Variants in DGKB observed in about 807,000 individuals in gnomAD.
DGKB encodes 90 kDa diacylglycerol kinase.
A neutral mutation model predicts 114.3 loss-of-function variants in DGKB; 67 were observed. The observed-to-expected ratio is 0.59, with a 90% CI of 0.48 to 0.72. The LOEUF is 0.72. DGKB is among the 30% of genes least tolerant of loss of function. The pLI, the probability that DGKB is intolerant of heterozygous loss-of-function variation, is 0.00. For synonymous variants in DGKB, 398 were observed against 323.1 expected, an observed-to-expected ratio of 1.23 and a Z score of -2.49; for missense variants, 907 against 975.2, an observed-to-expected ratio of 0.93 and a Z score of 0.93.
At chr7:14,404,592 A>C (rs1823640769) in intron 21 of DGKB, among the ~76,000 whole-genome samples, 1 of 152,030 alleles carries the variant, frequency 6.6e-6, no homozygotes, top group South Asian at 2.1e-4. Flanking sequence ...ATCTAAGCCT[A>C]ATTATGGAAA....
intron 13 of DGKB, among the ~76,000 whole-genome samples, chr7:14,652,250 T>C (rs1206069229): frequency 2.6e-5 from 4 of 151,978 alleles, no homozygotes; most frequent in East Asian, 3.9e-4. Flanking sequence ...CTTCAAACTA[T>C]ACTACAAGTC....
chr7:14,820,418 T>A (rs1175474692), intron 2 of DGKB, among the ~76,000 whole-genome samples: 1 of 152,170 alleles, frequency 6.6e-6, no homozygotes, highest in African/African-American at 2.4e-5. Flanking sequence ...AATGCTAAAA[T>A]CCTATGCAAC....
intron 23 of DGKB, among the ~76,000 whole-genome samples, chr7:14,313,466 G>T (rs968867842): frequency 3.9e-5 from 6 of 152,158 alleles, no homozygotes; most frequent in Non-Finnish European, 8.8e-5. Context: ...CTCGGGAAGC[G>T]CAAGGGGTCA....
chr7:14,503,753 G>A (rs942334315), intron 20 of DGKB, among the ~76,000 whole-genome samples: 5 of 152,058 alleles, frequency 3.3e-5, no homozygotes, highest in African/African-American at 4.8e-5. Context: ...TAGACAATAG[G>A]GATGTGATTT....
intron 23 of DGKB, among the ~76,000 whole-genome samples, chr7:14,265,995 A>C (rs1735426829): frequency 6.6e-6 from 1 of 152,138 alleles, no homozygotes. Context: ...TTTTTGAAGC[A>C]TCCTCTTGCC....
chr7:14,672,682 C>T (rs1819164734), intron 13 of DGKB, among the ~76,000 whole-genome samples: 1 of 152,042 alleles, frequency 6.6e-6, no homozygotes, highest in South Asian at 2.1e-4. Context: ...TAAGTAGCAG[C>T]ACGACTAAGT....
chr7:14,422,534 A>C (rs1489232961), intron 21 of DGKB, among the ~76,000 whole-genome samples: 1 of 152,032 alleles, frequency 6.6e-6, no homozygotes. Flanking sequence ...GAGGACACAA[A>C]ATCATTCCAG....
At chr7:14,783,017 A>G (rs1283637335) in intron 2 of DGKB, among the ~76,000 whole-genome samples, 1 of 152,070 alleles carries the variant, frequency 6.6e-6, no homozygotes, top group Admixed American at 6.6e-5. Context: ...ATGTGAACAT[A>G]TTATTTTATA....
At chr7:14,918,802 C>G (rs1044007070) in intron 1 of DGKB, among the ~76,000 whole-genome samples, 2 of 152,084 alleles carry the variant, frequency 1.3e-5, no homozygotes, top group South Asian at 2.1e-4. Context: ...TGGTGGCTCA[C>G]GTCTGTAATC....
chr7:14,826,692 T>C (rs946703707), intron 2 of DGKB, among the ~76,000 whole-genome samples: 4 of 152,168 alleles, frequency 2.6e-5, no homozygotes, highest in Non-Finnish European at 5.9e-5. Flanking sequence ...ATTGAACTTC[T>C]CTGGGCTTTA....
chr7:14,564,888 C>T (rs1797170029), intron 20 of DGKB, among the ~76,000 whole-genome samples: 1 of 152,078 alleles, frequency 6.6e-6, no homozygotes, highest in South Asian at 2.1e-4. Context: ...AACCTCAAGG[C>T]TTTATCCTAA....
chr7:14,158,963 G>A (rs933054160), intron 25 of DGKB, among the ~76,000 whole-genome samples: 2 of 151,770 alleles, frequency 1.3e-5, no homozygotes, highest in African/African-American at 2.4e-5. Context: ...TTACTACCAT[G>A]TTCTAAGGCC....
At chr7:14,935,599 A>C (rs557372211) in intron 1 of DGKB, among the ~76,000 whole-genome samples, 86 of 152,268 alleles carry the variant, frequency 5.6e-4, no homozygotes, top group Non-Finnish European at 1.0e-3. Context: ...TACTATGTAC[A>C]TGATGATCTT....
intron 21 of DGKB, among the ~76,000 whole-genome samples, chr7:14,454,215 T>G (rs532646803): frequency 6.6e-6 from 1 of 152,258 alleles, no homozygotes; most frequent in African/African-American, 2.4e-5. Context: ...CTTTTCCTAC[T>G]GTAGTATTGA....
chr7:14,412,534 C>T (rs762996901), intron 21 of DGKB, among the ~76,000 whole-genome samples: 5 of 152,092 alleles, frequency 3.3e-5, no homozygotes, highest in Admixed American at 1.3e-4. Context: ...AATAGATGAG[C>T]CTGAGGCTCA....
chr7:14,913,003 T>C (rs1418130159), intron 1 of DGKB, among the ~76,000 whole-genome samples: 1 of 152,164 alleles, frequency 6.6e-6, no homozygotes, highest in African/African-American at 2.4e-5. Flanking sequence ...CCCCACTTTG[T>C]TCAACTTTCT....
intron 1 of DGKB, among the ~76,000 whole-genome samples, chr7:14,940,783 A>T (rs1190613080): frequency 6.7e-6 from 1 of 149,434 alleles, no homozygotes; most frequent in Non-Finnish European, 1.5e-5. Context: ...TTATTTATTT[A>T]TTTTTTATTT....
At chr7:14,915,786 G>A (rs1311471905) in intron 1 of DGKB, among the ~76,000 whole-genome samples, 8 of 152,000 alleles carry the variant, frequency 5.3e-5, no homozygotes, top group African/African-American at 7.2e-5. Context: ...ACAAACAAAA[G>A]AGAAACAGGG....
chr7:14,290,486 T>C (rs1159754927), intron 23 of DGKB, among the ~76,000 whole-genome samples: 1 of 152,164 alleles, frequency 6.6e-6, no homozygotes, highest in Non-Finnish European at 1.5e-5. Context: ...TATTTTTCAC[T>C]GATGCTCACG....
Sources: gnomAD v4.1 joint callset for allele counts (sites outside exome capture counted in the v4.1 genomes callset) on GRCh38, gnomAD v4.1.1 for gene constraint, MANE v1.5 for transcripts, NCBI Gene and HGNC (gene_info 2026-07-23, HGNC 2026-07-21) for gene names.